SNX25: variants seen among roughly 807,000 people sequenced by gnomAD.
SNX25 encodes sorting nexin-25.
Under a neutral mutation model 113.7 loss-of-function variants are expected in SNX25, and 62 were observed. That is an observed-to-expected ratio of 0.55 (90% CI 0.44 to 0.67). The LOEUF is 0.67. Among genes scored for constraint, SNX25 ranks in the 30% least tolerant of loss-of-function variants. The pLI is 0.00. For synonymous variants in SNX25, 421 were observed against 436.2 expected (o/e 0.97, Z 0.43); for missense variants, 1,014 against 1,161.0 (o/e 0.87, Z 1.84).
chr4:185,292,768 T>A (rs1012183431), intron 6 of SNX25, among the ~76,000 whole-genome samples: 3 of 152,026 alleles, frequency 2.0e-5, no homozygotes, highest in East Asian at 1.9e-4. Flanking sequence ...AAAAAATTTT[T>A]AAAAATTATC....
At chr4:185,357,527 C>A in intron 15 of SNX25, 144 bp from the exon 16 acceptor site, 1 of 677,264 alleles carries the variant, frequency 1.5e-6, no homozygotes, top group Non-Finnish European at 2.6e-6. Context: ...GACCTAAACC[C>A]AAATTCTGCA....
At chr4:185,322,473 A>G (rs1367340223) in intron 8 of SNX25, among the ~76,000 whole-genome samples, 9 of 152,198 alleles carry the variant, frequency 5.9e-5, no homozygotes, top group Non-Finnish European at 1.3e-4. Context: ...TGTACACTGA[A>G]TTACTCATTT....
At chr4:185,206,235 C>T (rs749513352), upstream of SNX25, among the ~76,000 whole-genome samples, 8 of 152,070 alleles carry the variant, frequency 5.3e-5, no homozygotes, top group Non-Finnish European at 8.8e-5. Flanking sequence ...AGCCAAAAGG[C>T]GGAAAAAACT....
At chr4:185,300,236 T>C (rs1753448605) in intron 6 of SNX25, among the ~76,000 whole-genome samples, 1 of 152,030 alleles carries the variant, frequency 6.6e-6, no homozygotes, top group Non-Finnish European at 1.5e-5. Flanking sequence ...CTCAGCTCAC[T>C]GGACCTCTGC....
intron 9 of SNX25, among the ~76,000 whole-genome samples, chr4:185,329,198 T>A (rs2095177212): frequency 6.6e-6 from 1 of 152,178 alleles, no homozygotes. Context: ...AGGTGCCGTT[T>A]TCAGGCCATC....
chr4:185,351,446 A>T lies in SNX25; in HGVS notation c.2303A>T (p.Asn768Ile). Reference sequence around the variant, plus strand: ...CAGTTAATCCTCTTTCTTCCATAGAATCTGCTTTCAGATGAAAGACTGTGT... The same window carrying T: ...CAGTTAATCCTCTTTCTTCCATAGATTCTGCTTTCAGATGAAAGACTGTGT... ...SKNQLNKFLQ[N>I]LLSDERLCQS... The change falls in exon 14 of 19, where the codon AAT becomes ATT. Residue 768 changes from asparagine to isoleucine, a missense_variant and splice_region_variant. Coordinates refer to ENST00000652585, the MANE Select transcript of SNX25 (RefSeq NM_001378034.2). 1 of 1,613,188 alleles carries T rather than the reference A, an allele frequency of 6.2e-7. No individual in the cohort carries two copies. The highest frequency in any genetic ancestry group is 1.3e-5 in the African/African-American group (1 of 74,958).
chr4:185,224,354 AAT>A (rs952655691), intron 1 of SNX25, among the ~76,000 whole-genome samples: 2 of 146,730 alleles, frequency 1.4e-5, no homozygotes, highest in African/African-American at 2.5e-5. Context: ...TCCATCTCAA[AAT>A]ATATATATAT....
intron 7 of SNX25, among the ~76,000 whole-genome samples, chr4:185,317,623 A>G (rs1363199837): frequency 1.1e-4 from 16 of 152,198 alleles, no homozygotes. Context: ...CATATACACC[A>G]TGGAGTACTA....
At chr4:185,228,414 G>A (rs900774343) in intron 1 of SNX25, among the ~76,000 whole-genome samples, 7 of 152,188 alleles carry the variant, frequency 4.6e-5, no homozygotes, top group Non-Finnish European at 1.0e-4. Context: ...AGAGAACTTC[G>A]TGGAGGTTGG....
chr4:185,361,565 C>T (rs993397401), intron 16 of SNX25, among the ~76,000 whole-genome samples: 6 of 152,066 alleles, frequency 3.9e-5, no homozygotes, highest in African/African-American at 7.2e-5. Context: ...TGGCGAAACC[C>T]CGTCTCTACT....
chr4:185,330,535 C>G (rs2095187100), intron 9 of SNX25, among the ~76,000 whole-genome samples: 1 of 152,208 alleles, frequency 6.6e-6, no homozygotes, highest in Non-Finnish European at 1.5e-5. Context: ...ATAGCATATG[C>G]AATCATTTTG....
intron 5 of SNX25, among the ~76,000 whole-genome samples, chr4:185,279,053 T>C (rs1750171059): frequency 6.6e-6 from 1 of 151,948 alleles, no homozygotes; most frequent in South Asian, 2.1e-4. Context: ...TTTAGGAAGA[T>C]AAAAATATAG....
At chr4:185,293,430 A>AT (rs1296386160) in intron 6 of SNX25, among the ~76,000 whole-genome samples, 1 of 152,230 alleles carries the variant, frequency 6.6e-6, no homozygotes, top group Non-Finnish European at 1.5e-5. Context: ...ACAAGGGAGT[A>AT]TTATTCAACA....
chr4:185,265,167 A>G (rs981977513), intron 4 of SNX25, among the ~76,000 whole-genome samples: 1 of 152,152 alleles, frequency 6.6e-6, no homozygotes, highest in Non-Finnish European at 1.5e-5. Flanking sequence ...TACTTAAAAT[A>G]TCTTTGCTAT....
chr4:185,300,304 G>A (rs781434123), intron 6 of SNX25, among the ~76,000 whole-genome samples: 2 of 150,566 alleles, frequency 1.3e-5, no homozygotes, highest in African/African-American at 4.9e-5. Flanking sequence ...GATTACAGGC[G>A]CCTGCCCCCA....
chr4:185,354,761 ATTC>A (rs2095331609), intron 15 of SNX25, among the ~76,000 whole-genome samples: 1 of 152,218 alleles, frequency 6.6e-6, no homozygotes, highest in Non-Finnish European at 1.5e-5. Flanking sequence ...CCGTCCACAC[ATTC>A]ACAGCTCCCA....
intron 1 of SNX25, among the ~76,000 whole-genome samples, chr4:185,241,662 A>C (rs1054253510): frequency 6.6e-6 from 1 of 151,860 alleles, no homozygotes; most frequent in Non-Finnish European, 1.5e-5. Context: ...ATATTGTGAT[A>C]CGCATACTGA....
intron 5 of SNX25, among the ~76,000 whole-genome samples, chr4:185,269,914 C>G (rs530888821): frequency 6.6e-6 from 1 of 152,110 alleles, no homozygotes; most frequent in African/African-American, 2.4e-5. Flanking sequence ...CACTGGTTCT[C>G]TAGCACCATC....
chr4:185,241,610 T>TA (rs1170901513), intron 1 of SNX25, among the ~76,000 whole-genome samples: 3 of 142,380 alleles, frequency 2.1e-5, no homozygotes, highest in Non-Finnish European at 3.0e-5. Flanking sequence ...TTTTTTTTTT[T>TA]ACAGGATAGC....
Sources: gnomAD v4.1 joint callset for allele counts (sites outside exome capture counted in the v4.1 genomes callset) on GRCh38, gnomAD v4.1.1 for gene constraint, MANE v1.5 for transcripts, NCBI Gene and HGNC (gene_info 2026-07-23, HGNC 2026-07-21) for gene names.